The following RCAN2 variants were observed in gnomAD, a reference collection of about 807,000 sequenced individuals.
RCAN2 encodes the protein regulator of calcineurin 2, also known as calcipressin-2.
RCAN2 carries 9 observed loss-of-function variants against 23.6 expected under a neutral mutation model. The observed-to-expected ratio is 0.38, with a 90% CI of 0.23 to 0.67. The LOEUF is 0.67. RCAN2 is among the 30% of genes least tolerant of loss of function. RCAN2 has a pLI of 0.51. For synonymous variants in RCAN2, 109 were observed against 115.7 expected, an observed-to-expected ratio of 0.94 and a Z score of 0.37; for missense variants, 273 against 302.3, an observed-to-expected ratio of 0.90 and a Z score of 0.72.
chr6:46,455,057 A>T (rs1330438567), intron 2 of RCAN2, among the ~76,000 whole-genome samples: 2 of 152,244 alleles, frequency 1.3e-5, no homozygotes, highest in South Asian at 4.1e-4. Context: ...GAAATGGATG[A>T]TATGATGAGA....
intron 1 of RCAN2, among the ~76,000 whole-genome samples, chr6:46,484,786 C>A (rs1768952635): frequency 6.6e-6 from 1 of 152,168 alleles, no homozygotes; most frequent in Non-Finnish European, 1.5e-5. Context: ...CTGAATCTAC[C>A]AGATCCCCAC....
intron 2 of RCAN2, among the ~76,000 whole-genome samples, chr6:46,403,208 G>A (rs574232844): frequency 2.0e-5 from 3 of 152,040 alleles, no homozygotes; most frequent in Admixed American, 6.5e-5. Context: ...CTTGTGATCC[G>A]CCCACCTCAG....
intron 2 of RCAN2, among the ~76,000 whole-genome samples, chr6:46,413,431 T>G (rs749611795): frequency 3.3e-5 from 5 of 152,228 alleles, no homozygotes; most frequent in Non-Finnish European, 7.3e-5. Context: ...TGAAATTCCC[T>G]TCAGTTCTGT....
intron 1 of RCAN2, among the ~76,000 whole-genome samples, chr6:46,465,046 G>A (rs573024657): frequency 3.4e-4 from 51 of 152,094 alleles, no homozygotes; most frequent in Non-Finnish European, 5.9e-4. Context: ...TAATAAAAAG[G>A]GGAGGAAGAC....
At chr6:46,386,254 C>A (rs1243126493) in intron 2 of RCAN2, among the ~76,000 whole-genome samples, 1 of 151,824 alleles carries the variant, frequency 6.6e-6, no homozygotes, top group African/African-American at 2.4e-5. Context: ...ATGCGGCCAA[C>A]AAACATGAAA....
chr6:46,287,294 A>G (rs146702511), intron 2 of RCAN2, among the ~76,000 whole-genome samples: 3 of 152,146 alleles, frequency 2.0e-5, no homozygotes, highest in Non-Finnish European at 2.9e-5. Flanking sequence ...TTTTGTTTAG[A>G]CTTTCAAAGG....
intron 2 of RCAN2, among the ~76,000 whole-genome samples, chr6:46,386,788 T>C (rs1765769557): frequency 6.6e-6 from 1 of 152,012 alleles, no homozygotes; most frequent in South Asian, 2.1e-4. Context: ...GAGCCCACAT[T>C]GCCAAGACAA....
chr6:46,394,542 C>T (rs1383541903), intron 2 of RCAN2, among the ~76,000 whole-genome samples: 2 of 152,152 alleles, frequency 1.3e-5, no homozygotes, highest in Admixed American at 6.6e-5. Context: ...AGAAATTCTT[C>T]CTTGACCGAG....
intron 2 of RCAN2, among the ~76,000 whole-genome samples, chr6:46,274,116 G>T (rs1004298829): frequency 7.2e-5 from 11 of 152,152 alleles, no homozygotes; most frequent in Non-Finnish European, 1.3e-4. Flanking sequence ...CTTCCTGTTT[G>T]TGGTTCACAT....
At chr6:46,353,400 C>T (rs1764722532) in intron 2 of RCAN2, among the ~76,000 whole-genome samples, 1 of 152,090 alleles carries the variant, frequency 6.6e-6, no homozygotes, top group African/African-American at 2.4e-5. Flanking sequence ...TATCTAGAGA[C>T]AGTGCAGGTG....
chr6:46,288,872 C>T (rs1011675799), intron 2 of RCAN2, among the ~76,000 whole-genome samples: 2 of 152,256 alleles, frequency 1.3e-5, no homozygotes, highest in African/African-American at 4.8e-5. Flanking sequence ...TCCACAGTGC[C>T]TAGTACAACA....
At chr6:46,287,656 A>G (rs1003020610) in intron 2 of RCAN2, among the ~76,000 whole-genome samples, 1 of 152,244 alleles carries the variant, frequency 6.6e-6, no homozygotes, top group African/African-American at 2.4e-5. Context: ...ATGATCTTTA[A>G]GTATACACAC....
chr6:46,473,405 G>A (rs1288064426), intron 1 of RCAN2, among the ~76,000 whole-genome samples: 1 of 151,966 alleles, frequency 6.6e-6, no homozygotes, highest in Admixed American at 6.6e-5. Context: ...TTCAGTAAAT[G>A]TCTAGTGAAC....
At chr6:46,410,922 G>A (rs1766533356) in intron 2 of RCAN2, among the ~76,000 whole-genome samples, 1 of 152,176 alleles carries the variant, frequency 6.6e-6, no homozygotes, top group Non-Finnish European at 1.5e-5. Context: ...CCAGCATGGT[G>A]GGCAGCAGGG....
In RCAN2 at chr6:46,351,761, A is replaced by G. The variant is rs551504651; in HGVS notation, c.226-102865T>C. On this transcript the variant is annotated intron_variant, in intron 2 of 4. Transcript: ENST00000371374. The stretch of plus-strand genomic sequence containing the variant: ...CTAGATGGTCCAGGAAGCTGATGGC[A>G]CAGACTGGTTTTGTTTATTTTTATG... Among the ~76,000 whole-genome samples the G allele has an allele frequency of 8.5e-5, 13 of 152,344 alleles. No individual in the cohort carries two copies. The East Asian group carries it at 9.6e-4, about 11-fold the overall frequency.
At chr6:46,311,396 AG>A (rs1317804864) in intron 2 of RCAN2, among the ~76,000 whole-genome samples, 1 of 152,234 alleles carries the variant, frequency 6.6e-6, no homozygotes, top group Non-Finnish European at 1.5e-5. Flanking sequence ...TGGCTGTAAA[AG>A]ATGTGAATGA....
intron 2 of RCAN2, among the ~76,000 whole-genome samples, chr6:46,287,731 G>A (rs1215825210): frequency 6.6e-6 from 1 of 152,238 alleles, no homozygotes; most frequent in Non-Finnish European, 1.5e-5. Context: ...CAAATTGTGA[G>A]GTTTTCCTCA....
chr6:46,255,082 TTG>T (rs1326083674), intron 2 of RCAN2, among the ~76,000 whole-genome samples: 2 of 152,212 alleles, frequency 1.3e-5, no homozygotes, highest in African/African-American at 4.8e-5. Context: ...TTTGTGGCAC[TTG>T]GTTACAACAG....
Position 46,456,855 on chromosome 6 carries a change from AAAC to A in RCAN2, c.119_121del (p.Cys40del). On this transcript the variant is annotated inframe_deletion, in exon 2 of 5. Coordinates refer to ENST00000371374, the MANE Select transcript of RCAN2 (RefSeq NM_001251974.2). The stretch of plus-strand genomic sequence containing the variant: ...GATTGCTTGAAAGGCTTCTTCTGCA[AAAC>A]AACGAGTGACAGCCCAGTCCCTGTC... The A allele has an allele frequency of 3.9e-6, 6 of 1,550,726 alleles. No individual in the cohort carries two copies. The highest frequency in any genetic ancestry group is 1.4e-5 in the African/African-American group (1 of 73,186).
Sources: gnomAD v4.1 joint callset for allele counts (sites outside exome capture counted in the v4.1 genomes callset) on GRCh38, gnomAD v4.1.1 for gene constraint, MANE v1.5 for transcripts, NCBI Gene and HGNC (gene_info 2026-07-23, HGNC 2026-07-21) for gene names.